Variants in TECRL observed in about 807,000 individuals in gnomAD.
The protein encoded by TECRL is trans-2,3-enoyl-CoA reductase like.
In TECRL, 63 loss-of-function variants were observed where a neutral mutation model predicts 52.8. That is an observed-to-expected ratio of 1.19 (90% CI 0.97 to 1.47). The LOEUF is 1.47. Among genes scored for constraint, TECRL ranks in the 40% most tolerant of loss-of-function variants. TECRL has a pLI of 0.00. For synonymous variants in TECRL, 164 were observed against 141.9 expected, an observed-to-expected ratio of 1.16 and a Z score of -1.10; for missense variants, 482 against 429.6, an observed-to-expected ratio of 1.12 and a Z score of -1.08.
intron 2 of TECRL, among the ~76,000 whole-genome samples, chr4:64,334,450 G>A (rs1204156227): frequency 1.3e-5 from 2 of 152,164 alleles, no homozygotes; most frequent in African/African-American, 4.8e-5. Flanking sequence ...GGTTTAGTAT[G>A]AGATGTATGA....
At chr4:64,405,525 G>A (rs568506752) in intron 1 of TECRL, among the ~76,000 whole-genome samples, 2 of 152,270 alleles carry the variant, frequency 1.3e-5, no homozygotes, top group African/African-American at 4.8e-5. Context: ...AGAAGACCAA[G>A]TGGTCAGTTT....
At chr4:64,332,245 C>T (rs1204260005) in intron 2 of TECRL, among the ~76,000 whole-genome samples, 2 of 152,064 alleles carry the variant, frequency 1.3e-5, no homozygotes, top group East Asian at 3.9e-4. Flanking sequence ...AAAGAGAAGC[C>T]CTGGTAAAAG....
chr4:64,337,589 C>T (rs1044815175), intron 2 of TECRL, among the ~76,000 whole-genome samples: 18 of 152,074 alleles, frequency 1.2e-4, no homozygotes, highest in Non-Finnish European at 1.9e-4. Context: ...TCTCAGGATA[C>T]GAAATCAGTA....
Position 64,380,656 on chromosome 4 carries a change from G to T in TECRL, c.235-5433C>A, listed in dbSNP as rs916743541. Among the ~76,000 whole-genome samples, 8 of 152,072 alleles carry T rather than the reference G, an allele frequency of 5.3e-5. 2 individuals carry two copies. Among genetic ancestry groups the T allele is most frequent in the Admixed American group, 1.3e-4 (2 of 15,244 alleles). On this transcript the variant is annotated intron_variant, in intron 1 of 11. Transcript: ENST00000381210. ...ATTTTTAGCATCATTTATTAAAGAA[G>T]TTGTCTTTTCTTCAATGTATATTGT...
rs1722409900 is a variant in TECRL at position 64,376,541 on chromosome 4, AT to A, written c.235-1319del. On this transcript the variant is annotated intron_variant, in intron 1 of 11. Coordinates refer to ENST00000381210, the MANE Select transcript of TECRL (RefSeq NM_001010874.5). The stretch of plus-strand genomic sequence containing the variant: ...TTAATATTTAAATTTAATTTTTAAA[AT>A]ATTGTTTTAACAGTGTCCGTTGTTT... Among the ~76,000 whole-genome samples, 5 of 151,974 alleles carry A rather than the reference AT, an allele frequency of 3.3e-5. No homozygotes were observed. In the South Asian group the frequency reaches 1.0e-3, roughly 32 times the overall value.
At chr4:64,401,351 G>GAA (rs1724348905) in intron 1 of TECRL, among the ~76,000 whole-genome samples, 1 of 152,086 alleles carries the variant, frequency 6.6e-6, no homozygotes, top group African/African-American at 2.4e-5. Context: ...TTACTTTCCT[G>GAA]CCTCTTTTTT....
downstream of TECRL, chr4:64,277,162 T>C (rs1357230357): frequency 2.9e-6 from 2 of 692,028 alleles, no homozygotes; most frequent in East Asian, 5.6e-5. Flanking sequence ...AAAAAAAGTA[T>C]GATGGAGCAA....
At chr4:64,397,109 C>CA (rs374334638) in intron 1 of TECRL, among the ~76,000 whole-genome samples, 7 of 151,390 alleles carry the variant, frequency 4.6e-5, no homozygotes, top group Middle Eastern at 3.4e-3. Context: ...TATAAAACAA[C>CA]AAAAAAAAAT....
intron 8 of TECRL, among the ~76,000 whole-genome samples, chr4:64,292,418 A>T (rs1240411046): frequency 6.6e-6 from 1 of 152,008 alleles, no homozygotes; most frequent in Non-Finnish European, 1.5e-5. Flanking sequence ...TGTGACACAG[A>T]TGTTCAAGAT....
intron 4 of TECRL, among the ~76,000 whole-genome samples, chr4:64,321,377 T>C (rs897752353): frequency 1.3e-5 from 2 of 152,106 alleles, no homozygotes; most frequent in African/African-American, 4.8e-5. Context: ...AATGGTAATG[T>C]TGATTGATTG....
intron 1 of TECRL, among the ~76,000 whole-genome samples, chr4:64,391,170 A>G (rs1181051020): frequency 2.6e-5 from 4 of 151,966 alleles, no homozygotes; most frequent in East Asian, 1.9e-4. Context: ...TTATCATTAC[A>G]TATGTCTGAA....
intron 2 of TECRL, among the ~76,000 whole-genome samples, chr4:64,337,325 A>G (rs994468314): frequency 1.3e-5 from 2 of 152,248 alleles, no homozygotes; most frequent in East Asian, 3.9e-4. Flanking sequence ...ATATCATACT[A>G]AATGGGCAAA....
intron 2 of TECRL, among the ~76,000 whole-genome samples, chr4:64,342,112 A>G (rs1719620762): frequency 1.3e-5 from 2 of 152,204 alleles, no homozygotes; most frequent in African/African-American, 2.4e-5. Context: ...CAGAAAAGCA[A>G]CACCCTAAAA....
intron 1 of TECRL, among the ~76,000 whole-genome samples, chr4:64,406,800 T>G (rs1417249462): frequency 1.3e-5 from 2 of 151,998 alleles, no homozygotes; most frequent in African/African-American, 4.8e-5. Flanking sequence ...TGTACCACTT[T>G]ACAGCATAGT....
intron 2 of TECRL, among the ~76,000 whole-genome samples, chr4:64,370,575 G>T (rs1577950249): frequency 6.6e-6 from 1 of 151,566 alleles, no homozygotes; most frequent in East Asian, 1.9e-4. Flanking sequence ...TATGTTACTA[G>T]TCCACACAAA....
At chr4:64,287,307 C>A (rs1434861500) in intron 9 of TECRL, among the ~76,000 whole-genome samples, 4 of 152,150 alleles carry the variant, frequency 2.6e-5, no homozygotes, top group East Asian at 3.9e-4. Flanking sequence ...TATATTATAG[C>A]TTTTTCATAT....
At position 64,399,380 on chromosome 4, in the gene TECRL, C is replaced by T. The variant is rs115189495; in HGVS notation, c.234+9738G>A. 6.1e-3 allele frequency among the ~76,000 whole-genome samples: 931 copies of T among 152,084 alleles called. 18 individuals are homozygous for T. The highest frequency in any genetic ancestry group is 0.021 in the African/African-American group (879 of 41,488). On this transcript the variant is annotated intron_variant, in intron 1 of 11. Transcript: ENST00000381210. ...GCAAAAAAAATGTAGCCTGGCCACACGGCATAGAAAAAAAAAGAGTTTTTT... is the reference window on the plus strand; with the variant it reads ...GCAAAAAAAATGTAGCCTGGCCACATGGCATAGAAAAAAAAAGAGTTTTTT...
At chr4:64,315,081 A>G (rs1717401382) in intron 4 of TECRL, among the ~76,000 whole-genome samples, 2 of 152,098 alleles carry the variant, frequency 1.3e-5, no homozygotes, top group African/African-American at 4.8e-5. Context: ...GCCCAGTCCA[A>G]TACACACTTA....
intron 2 of TECRL, among the ~76,000 whole-genome samples, chr4:64,356,243 A>C (rs1442674747): frequency 1.3e-5 from 2 of 152,130 alleles, no homozygotes; most frequent in African/African-American, 4.8e-5. Context: ...ATAGTCTGAA[A>C]TATGGCCTCC....
Sources: gnomAD v4.1 joint callset for allele counts (sites outside exome capture counted in the v4.1 genomes callset) on GRCh38, gnomAD v4.1.1 for gene constraint, MANE v1.5 for transcripts, NCBI Gene and HGNC (gene_info 2026-07-23, HGNC 2026-07-21) for gene names.